PDE4D: variants seen among roughly 807,000 people sequenced by gnomAD.
PDE4D encodes the protein phosphodiesterase 4D, also known as 3',5'-cyclic-AMP phosphodiesterase 4D.
A neutral mutation model predicts 87.4 loss-of-function variants in PDE4D; 24 were observed. The observed-to-expected ratio is 0.27, with a 90% CI of 0.20 to 0.39. The LOEUF (loss-of-function observed/expected upper bound fraction) is 0.39, where lower values mean the gene tolerates loss of function less well. PDE4D is among the 10% of genes least tolerant of loss of function. PDE4D has a pLI of 1.00. For missense variants in PDE4D, 714 were observed against 1,041.0 expected (o/e 0.69, Z 4.32); for synonymous variants, 384 against 383.2 (o/e 1.00, Z -0.02).
chr5:60,047,103 T>C (rs1036095240), intron 2 of PDE4D, among the ~76,000 whole-genome samples: 3 of 152,176 alleles, frequency 2.0e-5, no homozygotes, highest in Non-Finnish European at 2.9e-5. Context: ...TGGGAGAGTG[T>C]GTGTGTCCAG....
At chr5:58,991,735 T>C in intron 8 of PDE4D, 97 bp downstream of exon 8, 2 of 780,980 alleles carry the variant, frequency 2.6e-6, no homozygotes, top group Non-Finnish European at 3.6e-6. Flanking sequence ...AAAACCCCAA[T>C]TAATAAACTT....
At chr5:60,512,846 G>A (rs1359356448) in intron 1 of PDE4D, among the ~76,000 whole-genome samples, 1 of 152,076 alleles carries the variant, frequency 6.6e-6, no homozygotes, top group Non-Finnish European at 1.5e-5. Flanking sequence ...AGTCAAAAAG[G>A]GGGCTAACTA....
At chr5:59,879,224 T>C (rs1438177204) in intron 1 of PDE4D, among the ~76,000 whole-genome samples, 1 of 152,166 alleles carries the variant, frequency 6.6e-6, no homozygotes, top group African/African-American at 2.4e-5. Context: ...TTTAAAAAAT[T>C]CAAAACTATC....
chr5:59,138,722 T>C (rs569953126), intron 5 of PDE4D, among the ~76,000 whole-genome samples: 6 of 152,276 alleles, frequency 3.9e-5, no homozygotes, highest in African/African-American at 9.6e-5. Flanking sequence ...CCCTGTATCA[T>C]CCATTCAGTC....
At chr5:59,959,910 A>G (rs1759277362) in intron 3 of PDE4D, among the ~76,000 whole-genome samples, 1 of 152,208 alleles carries the variant, frequency 6.6e-6, no homozygotes, top group African/African-American at 2.4e-5. Context: ...TAAACAGACA[A>G]CCTACAGAAT....
intron 1 of PDE4D, among the ~76,000 whole-genome samples, chr5:59,565,447 A>C (rs1820716592): frequency 6.6e-6 from 1 of 152,144 alleles, no homozygotes; most frequent in Non-Finnish European, 1.5e-5. Context: ...TGAGCTCAGG[A>C]GGTTAAGGCT....
At chr5:59,545,590 C>G (rs1233747993) in intron 1 of PDE4D, among the ~76,000 whole-genome samples, 1 of 152,062 alleles carries the variant, frequency 6.6e-6, no homozygotes, top group African/African-American at 2.4e-5. Flanking sequence ...TATGAATGAG[C>G]ATTTACTTTG....
At chr5:59,407,946 G>T (rs258119) in intron 1 of PDE4D, among the ~76,000 whole-genome samples, 101,609 of 152,128 alleles carry the variant, frequency 0.67, 34,765 homozygotes, top group African/African-American at 0.8. Context: ...GCTTACAAGT[G>T]TGGAAAATTT....
Position 59,871,918 on chromosome 5 carries a change from T to C in PDE4D, c.455+21250A>G, listed in dbSNP as rs1747869730. Among the ~76,000 whole-genome samples the C allele has an allele frequency of 2.6e-5, 4 of 152,140 alleles. No homozygotes were observed. The South Asian group carries it at 8.3e-4, about 32-fold the overall frequency. ...ACCAAATCGTACTACTTCCTTTTGATTCTTTTTCATCCCACTCTTTAACTC... is the reference window on the plus strand; with the variant it reads ...ACCAAATCGTACTACTTCCTTTTGACTCTTTTTCATCCCACTCTTTAACTC... On this transcript the variant is annotated intron_variant, in intron 1 of 14. Coordinates refer to ENST00000340635, the MANE Select transcript of PDE4D (RefSeq NM_001104631.2).
At position 60,056,225 on chromosome 5, in the gene PDE4D, A is replaced by T. The variant is rs562590626; in HGVS notation, c.43-67508T>A. On this transcript the variant is annotated intron_variant, in intron 2 of 16. Coordinates refer to the PDE4D transcript ENST00000502484. ...CTCCCTTGAATGAACCCATCGCAGCATTTTCTATTTCAGTTCATAATACAG... is the reference window on the plus strand; with the variant it reads ...CTCCCTTGAATGAACCCATCGCAGCTTTTTCTATTTCAGTTCATAATACAG... Among the ~76,000 whole-genome samples, 34 of 152,124 alleles carry T rather than the reference A, an allele frequency of 2.2e-4. No homozygotes were observed. The South Asian group carries it at 6.8e-3, about 31-fold the overall frequency.
chr5:59,030,823 T>TAA (rs1401254720), intron 6 of PDE4D, among the ~76,000 whole-genome samples: 1 of 152,214 alleles, frequency 6.6e-6, no homozygotes, highest in African/African-American at 2.4e-5. Context: ...TTAGAATGAC[T>TAA]ATTTTCCTTT....
chr5:59,401,068 G>A (rs1167589258), intron 1 of PDE4D, among the ~76,000 whole-genome samples: 2 of 152,154 alleles, frequency 1.3e-5, no homozygotes, highest in Non-Finnish European at 2.9e-5. Context: ...CACAAACTTT[G>A]TTTCATGCAC....
At chr5:59,311,242 T>C (rs1561932869) in intron 1 of PDE4D, among the ~76,000 whole-genome samples, 1 of 151,928 alleles carries the variant, frequency 6.6e-6, no homozygotes, top group Non-Finnish European at 1.5e-5. Flanking sequence ...AAGGAATGCT[T>C]TCAGCTGGGC....
intron 6 of PDE4D, among the ~76,000 whole-genome samples, chr5:59,020,033 G>T (rs114547310): frequency 6.6e-6 from 1 of 152,150 alleles, no homozygotes; most frequent in Non-Finnish European, 1.5e-5. Context: ...TAAAGACTGG[G>T]TTGTGGTTGT....
intron 5 of PDE4D, among the ~76,000 whole-genome samples, chr5:59,086,142 C>G (rs1232340608): frequency 6.6e-6 from 1 of 152,162 alleles, no homozygotes; most frequent in African/African-American, 2.4e-5. Context: ...GGTCACATAG[C>G]TAAAAGTGGA....
rs866284382 is a variant in PDE4D at position 59,186,421 on chromosome 5, C to T, written c.685-1159G>A. 3.3e-5 allele frequency among the ~76,000 whole-genome samples: 5 copies of T among 152,282 alleles called. No homozygotes were observed. The East Asian group carries it at 7.7e-4, about 23-fold the overall frequency. On this transcript the variant is annotated intron_variant, in intron 3 of 14. Transcript: ENST00000340635. ...AGCCAATATTAGCCCATGATGGCAG[C>T]GTTACCTTTGACTTAATGACTTGGC...
intron 1 of PDE4D, among the ~76,000 whole-genome samples, chr5:59,762,154 G>T (rs989798471): frequency 6.6e-6 from 1 of 151,804 alleles, no homozygotes; most frequent in Non-Finnish European, 1.5e-5. Flanking sequence ...ATATGTGTGT[G>T]TGTGTATATA....
rs558185896 is a variant in PDE4D at position 59,952,093 on chromosome 5, TGA to T, written c.272+36393_272+36394del. Among the ~76,000 whole-genome samples the T allele has an allele frequency of 2.6e-5, 4 of 152,278 alleles. No homozygotes were observed. The South Asian group carries it at 8.3e-4, about 32-fold the overall frequency. ...TTCCCCCATCCGGCTCTTGTGATAGTGAGTGAATTCTAAAGAGATCTGATAGT... is the reference window on the plus strand; with the variant it reads ...TTCCCCCATCCGGCTCTTGTGATAGTGTGAATTCTAAAGAGATCTGATAGT... On this transcript the variant is annotated intron_variant, in intron 3 of 16. Coordinates refer to the PDE4D transcript ENST00000502484.
intron 5 of PDE4D, among the ~76,000 whole-genome samples, chr5:59,140,615 T>C (rs1777747464): frequency 6.6e-6 from 1 of 152,214 alleles, no homozygotes; most frequent in Admixed American, 6.5e-5. Flanking sequence ...TAAAGAAGGT[T>C]AGAAACAATT....
Sources: gnomAD v4.1 joint callset for allele counts (sites outside exome capture counted in the v4.1 genomes callset) on GRCh38, gnomAD v4.1.1 for gene constraint, MANE v1.5 for transcripts, NCBI Gene and HGNC (gene_info 2026-07-23, HGNC 2026-07-21) for gene names.